The following SERPINI1 variants were observed in gnomAD, a reference collection of about 807,000 sequenced individuals.
SERPINI1 encodes the protein serpin family I member 1, also known as neuroserpin.
SERPINI1 carries 19 observed loss-of-function variants against 41.1 expected under a neutral mutation model. The observed-to-expected ratio is 0.46, with a 90% CI of 0.32 to 0.68. The LOEUF is 0.68. Ranked by LOEUF, SERPINI1 falls within the 30% of genes least tolerant of loss-of-function variation. The probability of loss-of-function intolerance (pLI) is 0.03; values close to 1 mark genes in which losing one functional copy is unlikely to be tolerated. For synonymous variants in SERPINI1, 138 were observed against 156.6 expected (o/e 0.88, Z 0.89); for missense variants, 460 against 479.2 (o/e 0.96, Z 0.37).
Position 167,744,817 on chromosome 3 carries a change from TTA to T in SERPINI1, c.-19+9003_-19+9004del, listed in dbSNP as rs200133328. Among the ~76,000 whole-genome samples, 1,231 of 122,092 alleles carry T rather than the reference TTA, an allele frequency of 0.01. 85 individuals carry two copies. The East Asian group carries it at 0.18, about 17-fold the overall frequency. 80.1% of individuals were successfully genotyped at this position (122,092 alleles called of 152,430 possible). ...ATATATATATAATATATAAATATAG[TTA>T]TATATATAATATATATATTATATAT... On this transcript the variant is annotated intron_variant, in intron 1 of 8. Coordinates refer to ENST00000446050, the MANE Select transcript of SERPINI1 (RefSeq NM_001122752.2).
chr3:167,758,453 T>C (rs1483549284), intron 1 of SERPINI1, among the ~76,000 whole-genome samples: 14 of 152,218 alleles, frequency 9.2e-5, no homozygotes, highest in Non-Finnish European at 4.4e-5. Flanking sequence ...CTATTTCTTA[T>C]AGTAGAATTC....
chr3:167,780,204 T>G (rs947393003), intron 1 of SERPINI1, among the ~76,000 whole-genome samples: 1 of 152,234 alleles, frequency 6.6e-6, no homozygotes, highest in African/African-American at 2.4e-5. Flanking sequence ...TATGACTTGA[T>G]ACTTTCATAG....
chr3:167,742,766 C>G (rs1725720651), intron 1 of SERPINI1, among the ~76,000 whole-genome samples: 1 of 151,096 alleles, frequency 6.6e-6, no homozygotes, highest in African/African-American at 2.4e-5. Context: ...TGACTAAAAC[C>G]ATGTTTATTT....
At chr3:167,785,074 C>G (rs1366743097) in intron 1 of SERPINI1, among the ~76,000 whole-genome samples, 3 of 152,044 alleles carry the variant, frequency 2.0e-5, no homozygotes, top group Non-Finnish European at 4.4e-5. Context: ...AACCCCGTCT[C>G]TACTAAAAAT....
At position 167,775,812 on chromosome 3, in the gene SERPINI1, T is replaced by C. The variant is rs912869530; in HGVS notation, c.-18-13299T>C. ...CAAGAATACATATTTGTTGAATGAA[T>C]GAATGGAGTGAATGCAATTCTAAGT... On this transcript the variant is annotated intron_variant, in intron 1 of 8. Transcript: ENST00000446050. Among the ~76,000 whole-genome samples the C allele has an allele frequency of 1.2e-4, 19 of 152,250 alleles. No individual in the cohort carries two copies. The East Asian group carries it at 2.7e-3, about 22-fold the overall frequency.
At chr3:167,741,796 A>G (rs1725684673) in intron 1 of SERPINI1, among the ~76,000 whole-genome samples, 1 of 152,336 alleles carries the variant, frequency 6.6e-6, no homozygotes, top group Admixed American at 6.5e-5. Flanking sequence ...TCCCTTATTC[A>G]ATGTCTGTGG....
chr3:167,802,533 C>T (rs1164903416), intron 5 of SERPINI1, among the ~76,000 whole-genome samples: 30 of 151,682 alleles, frequency 2.0e-4, no homozygotes, highest in Non-Finnish European at 2.5e-4. Flanking sequence ...AAAATGCTCA[C>T]CATCACTGGC....
At chr3:167,743,483 T>G (rs1725747767) in intron 1 of SERPINI1, among the ~76,000 whole-genome samples, 1 of 152,174 alleles carries the variant, frequency 6.6e-6, no homozygotes, top group South Asian at 2.1e-4. Flanking sequence ...GATACTGACT[T>G]GGCAAAATTG....
At chr3:167,769,484 C>G (rs1212408852) in intron 1 of SERPINI1, among the ~76,000 whole-genome samples, 1 of 152,110 alleles carries the variant, frequency 6.6e-6, no homozygotes, top group Non-Finnish European at 1.5e-5. Context: ...ATTTAAAGAT[C>G]TTAAAGTTTG....
intron 1 of SERPINI1, among the ~76,000 whole-genome samples, chr3:167,744,800 A>ATT (rs1196343918): frequency 9.3e-5 from 12 of 128,476 alleles, no homozygotes; most frequent in South Asian, 2.2e-4. Flanking sequence ...ATATATATAT[A>ATT]TAATATATAA....
chr3:167,772,889 TATATACACACAC>T (rs1225905839), intron 1 of SERPINI1, among the ~76,000 whole-genome samples: 73 of 77,106 alleles, frequency 9.5e-4, no homozygotes, highest in Non-Finnish European at 1.3e-3. Context: ...TATATATATA[TATATACACACAC>T]ACACACACAC....
In SERPINI1 at chr3:167,793,596, A is replaced by ATATTTTTTTTT; in HGVS notation, c.676+813_676+814insATTTTTTTTTT. On this transcript the variant is annotated intron_variant, in intron 4 of 8. Transcript: ENST00000446050. ...TACAAATATATATATATATATATAT[A>ATATTTTTTTTT]TTTTTAATTAGCTAGGCATAATGGT... 2.6e-3 allele frequency among the ~76,000 whole-genome samples: 365 copies of ATATTTTTTTTT among 140,582 alleles called. 1 individual carries two copies. The highest frequency in any genetic ancestry group is 5.0e-3 in the African/African-American group (184 of 36,542). 92.2% of individuals were successfully genotyped at this position (140,582 alleles called of 152,430 possible).
At chr3:167,744,765 ATATATAT>A (rs1365186787) in intron 1 of SERPINI1, among the ~76,000 whole-genome samples, 1 of 97,714 alleles carries the variant, frequency 1.0e-5, no homozygotes, top group Non-Finnish European at 2.0e-5. Flanking sequence ...TATATATTAA[ATATATAT>A]TATATATAAC....
chr3:167,777,316 ATTATC>A (rs1297821513), intron 1 of SERPINI1, among the ~76,000 whole-genome samples: 1 of 149,440 alleles, frequency 6.7e-6, no homozygotes, highest in Non-Finnish European at 1.5e-5. Flanking sequence ...CTTTATTGAC[ATTATC>A]TTAAGTTCTA....
chr3:167,745,528 C>G (rs1007718215), intron 1 of SERPINI1, among the ~76,000 whole-genome samples: 1 of 151,996 alleles, frequency 6.6e-6, no homozygotes, highest in Non-Finnish European at 1.5e-5. Flanking sequence ...GATGTCAGCT[C>G]TCACACTTTT....
intron 1 of SERPINI1, among the ~76,000 whole-genome samples, chr3:167,738,122 T>C (rs967388382): frequency 6.6e-6 from 1 of 152,132 alleles, no homozygotes; most frequent in African/African-American, 2.4e-5. Flanking sequence ...ATATGGCAGT[T>C]TATAATTCTG....
At chr3:167,781,833 G>T (rs1314374712) in intron 1 of SERPINI1, among the ~76,000 whole-genome samples, 1 of 151,872 alleles carries the variant, frequency 6.6e-6, no homozygotes, top group Non-Finnish European at 1.5e-5. Flanking sequence ...TACCAGGGAA[G>T]TTAAAAAACA....
intron 5 of SERPINI1, among the ~76,000 whole-genome samples, chr3:167,800,755 A>G (rs1727872082): frequency 6.6e-6 from 1 of 151,666 alleles, no homozygotes; most frequent in African/African-American, 2.4e-5. Flanking sequence ...TCATGTTTGT[A>G]AAGAAAACTA....
intron 4 of SERPINI1, among the ~76,000 whole-genome samples, chr3:167,794,368 A>G (rs1043340390): frequency 1.3e-5 from 2 of 152,154 alleles, no homozygotes; most frequent in African/African-American, 4.8e-5. Context: ...TATTCTATAT[A>G]CTATTTGGGA....
Sources: allele counts gnomAD v4.1 joint callset (sites outside exome capture counted in the v4.1 genomes callset), GRCh38; gene constraint gnomAD v4.1.1; transcripts MANE v1.5; gene names NCBI Gene and HGNC (gene_info 2026-07-23, HGNC 2026-07-21).